TBC1D5: variants seen among roughly 807,000 people sequenced by gnomAD.
TBC1D5 encodes TBC1 domain family member 5, also known as TBC1 domain family, member 5.
Under a neutral mutation model 100.3 loss-of-function variants are expected in TBC1D5, and 75 were observed. That is an observed-to-expected ratio of 0.75 (90% CI 0.62 to 0.91). The LOEUF (loss-of-function observed/expected upper bound fraction) is 0.91. TBC1D5 is among the 40% of genes least tolerant of loss of function. The pLI, the probability that TBC1D5 is intolerant of heterozygous loss-of-function variation, is 0.00. For synonymous variants in TBC1D5, 323 were observed against 325.6 expected (o/e 0.99, Z 0.09); for missense variants, 910 against 942.4 (o/e 0.97, Z 0.45).
chr3:17,423,783 T>G (rs1314223255), intron 4 of TBC1D5, among the ~76,000 whole-genome samples: 1 of 152,170 alleles, frequency 6.6e-6, no homozygotes, highest in South Asian at 2.1e-4. Flanking sequence ...TGTACACATT[T>G]AATTTAAAAT....
intron 3 of TBC1D5, among the ~76,000 whole-genome samples, chr3:17,461,883 TTCTG>T (rs983622944): frequency 6.6e-6 from 1 of 152,158 alleles, no homozygotes; most frequent in African/African-American, 2.4e-5. Context: ...GCTTTATTGA[TTCTG>T]TCTTTTACTG....
At chr3:17,603,565 T>TA (rs1021392561) in intron 2 of TBC1D5, among the ~76,000 whole-genome samples, 1 of 152,138 alleles carries the variant, frequency 6.6e-6, no homozygotes, top group Non-Finnish European at 1.5e-5. Flanking sequence ...AACTCATGAA[T>TA]AGCCCACTGC....
At chr3:17,469,806 T>C (rs2095352169) in intron 3 of TBC1D5, among the ~76,000 whole-genome samples, 1 of 152,254 alleles carries the variant, frequency 6.6e-6, no homozygotes, top group South Asian at 2.1e-4. Flanking sequence ...TTCAGTTATG[T>C]GGCCTAATGT....
intron 13 of TBC1D5, among the ~76,000 whole-genome samples, chr3:17,312,840 A>G (rs1482463467): frequency 1.3e-5 from 2 of 152,298 alleles, no homozygotes; most frequent in Non-Finnish European, 2.9e-5. Context: ...TTGTATATCT[A>G]TGTTTTTCCA....
intron 3 of TBC1D5, among the ~76,000 whole-genome samples, chr3:17,491,374 T>C (rs758884493): frequency 1.3e-5 from 2 of 152,178 alleles, no homozygotes; most frequent in African/African-American, 2.4e-5. Context: ...AGAGAGGGTG[T>C]TCTTATCTTG....
chr3:17,589,455 C>T lies in TBC1D5; in HGVS notation c.-36+34394G>A, dbSNP rs114515402. Among the ~76,000 whole-genome samples, 340 of 152,250 alleles carry T rather than the reference C, an allele frequency of 2.2e-3. 1 individual carries two copies. The highest frequency in any genetic ancestry group is 4.5e-3 in the Non-Finnish European group (306 of 68,026). The stretch of plus-strand genomic sequence containing the variant: ...ATCATGAGGGCAGGTCTTTCCCGTG[C>T]TGTTCTTGTGATAGTGATTAAGTCT... On this transcript the variant is annotated intron_variant, in intron 2 of 21. Transcript: ENST00000253692.
intron 8 of TBC1D5, among the ~76,000 whole-genome samples, chr3:17,392,453 T>C (rs1293611356): frequency 2.0e-5 from 3 of 152,036 alleles, no homozygotes; most frequent in East Asian, 1.9e-4. Flanking sequence ...GCCATGGTGG[T>C]TTGCTGCACA....
intron 3 of TBC1D5, among the ~76,000 whole-genome samples, chr3:17,471,431 A>G (rs1400433504): frequency 2.6e-5 from 4 of 152,184 alleles, no homozygotes; most frequent in African/African-American, 7.2e-5. Flanking sequence ...CAGATTTTAG[A>G]AAACAATCAT....
chr3:17,700,721 G>A (rs951452775), intron 1 of TBC1D5, among the ~76,000 whole-genome samples: 4 of 152,058 alleles, frequency 2.6e-5, no homozygotes, highest in Non-Finnish European at 2.9e-5. Context: ...CAACAGACAC[G>A]TGAAAAAATG....
chr3:17,453,667 T>TGCTG (rs1328266259), intron 3 of TBC1D5, among the ~76,000 whole-genome samples: 2 of 152,162 alleles, frequency 1.3e-5, no homozygotes, highest in African/African-American at 4.8e-5. Context: ...ATGGCTTTAC[T>TGCTG]GCTGAATTCT....
intron 2 of TBC1D5, among the ~76,000 whole-genome samples, chr3:17,591,489 A>C (rs1158538877): frequency 6.6e-6 from 1 of 152,012 alleles, no homozygotes; most frequent in Non-Finnish European, 1.5e-5. Flanking sequence ...ATGATCAGAC[A>C]TTTCGGGGGA....
intron 19 of TBC1D5, among the ~76,000 whole-genome samples, chr3:17,169,078 A>G (rs2066922505): frequency 6.6e-6 from 1 of 152,192 alleles, no homozygotes; most frequent in Non-Finnish European, 1.5e-5. Context: ...CTGCCCACCC[A>G]GACTAAAGAA....
chr3:17,325,615 C>T (rs2086005617), intron 13 of TBC1D5, among the ~76,000 whole-genome samples: 1 of 152,122 alleles, frequency 6.6e-6, no homozygotes, highest in Non-Finnish European at 1.5e-5. Context: ...AGCCACCGCG[C>T]CTGGCCCAAT....
intron 1 of TBC1D5, among the ~76,000 whole-genome samples, chr3:17,693,357 G>GA (rs1178897960): frequency 1.3e-5 from 2 of 152,150 alleles, no homozygotes; most frequent in African/African-American, 4.8e-5. Context: ...ACTGTACCTG[G>GA]AAAAACGTAA....
chr3:17,330,271 C>A (rs968127256), intron 13 of TBC1D5, among the ~76,000 whole-genome samples: 5 of 152,118 alleles, frequency 3.3e-5, no homozygotes, highest in Admixed American at 2.0e-4. Context: ...ATCTATGAGG[C>A]GAAACTCCAA....
chr3:17,613,386 T>C (rs766729813), intron 2 of TBC1D5, among the ~76,000 whole-genome samples: 26 of 152,240 alleles, frequency 1.7e-4, no homozygotes, highest in Non-Finnish European at 3.5e-4. Flanking sequence ...TTAACAATCC[T>C]TTGGGTATAT....
chr3:17,453,145 C>T (rs1239974804), intron 3 of TBC1D5, among the ~76,000 whole-genome samples: 6 of 148,910 alleles, frequency 4.0e-5, no homozygotes, highest in Non-Finnish European at 8.9e-5. Context: ...ACACCAAAAC[C>T]TATGGGATAC....
At chr3:17,456,956 C>T (rs559356178) in intron 3 of TBC1D5, among the ~76,000 whole-genome samples, 70 of 152,058 alleles carry the variant, frequency 4.6e-4, no homozygotes, top group Middle Eastern at 3.4e-3. Context: ...AGTTATAAGA[C>T]AAAAAGTTGA....
chr3:17,338,590 T>C (rs1026432257), intron 13 of TBC1D5: 2 of 152,232 alleles, frequency 1.3e-5, no homozygotes, highest in Non-Finnish European at 2.9e-5. Flanking sequence ...GGTGAAAGAA[T>C]AGATATGGAG....
Sources: allele counts gnomAD v4.1 joint callset (sites outside exome capture counted in the v4.1 genomes callset), GRCh38; gene constraint gnomAD v4.1.1; transcripts MANE v1.5; gene names NCBI Gene and HGNC (gene_info 2026-07-23, HGNC 2026-07-21).